CSMD1: variants seen among roughly 807,000 people sequenced by gnomAD.
The protein encoded by CSMD1 is CUB and Sushi multiple domains 1, also known as CUB and sushi domain-containing protein 1.
In CSMD1, 213 loss-of-function variants were observed where a neutral mutation model predicts 417.5. That is an observed-to-expected ratio of 0.51 (90% CI 0.46 to 0.57). The LOEUF is 0.57. CSMD1 is among the 20% of genes least tolerant of loss of function. CSMD1 has a pLI of 0.00. For missense variants in CSMD1, 6,923 were observed against 4,529.7 expected, an observed-to-expected ratio of 1.53 and a Z score of -15.17; for synonymous variants, 2,862 against 1,736.8, an observed-to-expected ratio of 1.65 and a Z score of -16.11.
intron 3 of CSMD1, among the ~76,000 whole-genome samples, chr8:4,302,142 C>G (rs1008894769): frequency 6.6e-6 from 1 of 152,018 alleles, no homozygotes; most frequent in African/African-American, 2.4e-5. Flanking sequence ...AACAAAAAAA[C>G]AGTTTATGGA....
Position 3,608,749 on chromosome 8 carries a change from G to C in CSMD1, c.1097+7961C>G, listed in dbSNP as rs554308769. Among the ~76,000 whole-genome samples the C allele has an allele frequency of 2.3e-5, 3 of 130,990 alleles. No individual in the cohort carries two copies. In the East Asian group the frequency reaches 6.7e-4, roughly 29 times the overall value. 85.9% of individuals were successfully genotyped at this position (130,990 alleles called of 152,430 possible). ...ACTGCACTCCAGCCTGGACAACAGAGTGAGACTCTGTCTCAAAAAAAAAAA... is the reference window on the plus strand; with the variant it reads ...ACTGCACTCCAGCCTGGACAACAGACTGAGACTCTGTCTCAAAAAAAAAAA... On this transcript the variant is annotated intron_variant, in intron 8 of 69. Transcript: ENST00000635120.
intron 3 of CSMD1, among the ~76,000 whole-genome samples, chr8:4,032,788 A>C (rs1021055884): frequency 6.6e-6 from 1 of 152,188 alleles, no homozygotes; most frequent in Non-Finnish European, 1.5e-5. Context: ...TTTTGTAAAA[A>C]AATAATAAAA....
intron 3 of CSMD1, among the ~76,000 whole-genome samples, chr8:4,368,293 T>C (rs1802203566): frequency 6.6e-6 from 1 of 152,218 alleles, no homozygotes; most frequent in African/African-American, 2.4e-5. Flanking sequence ...TCACATTTAT[T>C]GATATGTGTA....
At chr8:4,117,792 G>T (rs1295151796) in intron 3 of CSMD1, among the ~76,000 whole-genome samples, 2 of 152,028 alleles carry the variant, frequency 1.3e-5, no homozygotes, top group Non-Finnish European at 2.9e-5. Context: ...AGAATGTCAG[G>T]CTCAGAACGT....
At chr8:4,870,594 A>C (rs1028086758) in intron 1 of CSMD1, among the ~76,000 whole-genome samples, 4 of 152,098 alleles carry the variant, frequency 2.6e-5, no homozygotes, top group African/African-American at 7.3e-5. Context: ...GCAGGAGGCA[A>C]GCTTTCAGTG....
chr8:3,321,927 C>T (rs956144415), intron 23 of CSMD1, among the ~76,000 whole-genome samples: 9 of 152,104 alleles, frequency 5.9e-5, no homozygotes, highest in African/African-American at 2.2e-4. Flanking sequence ...AGAATGGATT[C>T]AGTATTATTT....
intron 23 of CSMD1, among the ~76,000 whole-genome samples, chr8:3,342,317 G>A (rs990575016): frequency 6.6e-6 from 1 of 152,084 alleles, no homozygotes; most frequent in Admixed American, 6.5e-5. Flanking sequence ...TCTTTTGCAG[G>A]ACCTTTTTTG....
chr8:4,792,277 T>A (rs1333415599), intron 1 of CSMD1, among the ~76,000 whole-genome samples: 1 of 152,196 alleles, frequency 6.6e-6, no homozygotes, highest in Admixed American at 6.5e-5. Flanking sequence ...ACATCCTAAC[T>A]ACACCCCTAT....
intron 17 of CSMD1, among the ~76,000 whole-genome samples, chr8:3,392,048 T>A (rs553895840): frequency 1.4e-5 from 2 of 139,486 alleles, no homozygotes; most frequent in Middle Eastern, 3.7e-3. Context: ...TAGGTGGGAA[T>A]TGAACAATGA....
At position 4,345,634 on chromosome 8, in the gene CSMD1, T is replaced by G. The variant is rs564013843; in HGVS notation, c.415+74319A>C. ...AAACAAAAAGTACCAAAATAATTACTGAAACACGGTTCAAATGACTGGAAG... is the reference window on the plus strand; with the variant it reads ...AAACAAAAAGTACCAAAATAATTACGGAAACACGGTTCAAATGACTGGAAG... On this transcript the variant is annotated intron_variant, in intron 3 of 69. Coordinates refer to ENST00000635120, the MANE Select transcript of CSMD1 (RefSeq NM_033225.6). 3.9e-5 allele frequency among the ~76,000 whole-genome samples: 6 copies of G among 152,192 alleles called. No homozygotes were observed. In the East Asian group the frequency reaches 1.2e-3, roughly 30 times the overall value.
At chr8:3,485,167 C>T (rs1817953957) in intron 11 of CSMD1, among the ~76,000 whole-genome samples, 1 of 152,118 alleles carries the variant, frequency 6.6e-6, no homozygotes. Context: ...TCCAGGTGTC[C>T]ATCTGTGGGT....
At chr8:4,551,508 T>G (rs1207649882) in intron 2 of CSMD1, among the ~76,000 whole-genome samples, 1 of 152,104 alleles carries the variant, frequency 6.6e-6, no homozygotes, top group Non-Finnish European at 1.5e-5. Flanking sequence ...AACTTGAAAT[T>G]GAATGCTACC....
At chr8:3,564,705 G>A (rs1282626920) in intron 10 of CSMD1, among the ~76,000 whole-genome samples, 1 of 151,868 alleles carries the variant, frequency 6.6e-6, no homozygotes, top group Non-Finnish European at 1.5e-5. Flanking sequence ...AGTGGAGAAT[G>A]TACGTGCCCT....
At chr8:3,508,225 T>C (rs538580597) in intron 10 of CSMD1, among the ~76,000 whole-genome samples, 2 of 152,100 alleles carry the variant, frequency 1.3e-5, no homozygotes, top group Non-Finnish European at 2.9e-5. Context: ...GTAGTAGGAA[T>C]TTGAGGCACT....
intron 1 of CSMD1, among the ~76,000 whole-genome samples, chr8:4,873,621 C>T (rs901508772): frequency 3.1e-4 from 47 of 152,124 alleles, no homozygotes; most frequent in African/African-American, 1.1e-3. Context: ...ATTAAGCAAT[C>T]GATCAATGTT....
intron 1 of CSMD1, among the ~76,000 whole-genome samples, chr8:4,664,665 T>A (rs1299445792): frequency 6.6e-6 from 1 of 152,196 alleles, no homozygotes; most frequent in Non-Finnish European, 1.5e-5. Context: ...CATGTGCTTA[T>A]TATTATAACA....
intron 2 of CSMD1, among the ~76,000 whole-genome samples, chr8:4,608,916 G>T (rs958213186): frequency 1.3e-5 from 2 of 151,634 alleles, no homozygotes; most frequent in African/African-American, 4.9e-5. Context: ...TGGATCCAAA[G>T]TTAAGCCCTG....
Position 3,307,836 on chromosome 8 carries a change from G to A in CSMD1, c.3824-15C>T, listed in dbSNP as rs373330255. 1.2e-6 allele frequency: 2 copies of A among 1,606,880 alleles called. No individual in the cohort carries two copies. The highest frequency in any genetic ancestry group is 2.2e-5 in the East Asian group (1 of 44,828). On this transcript the variant is annotated splice_polypyrimidine_tract_variant and intron_variant, in intron 24 of 69. Coordinates refer to ENST00000635120, the MANE Select transcript of CSMD1 (RefSeq NM_033225.6). ...ACCACATTCCGCTGTAGAAGACACA[G>A]AGAGATGGGAACGTTCAGCTTCAGG... is the stretch of plus-strand genomic sequence containing the variant.
intron 3 of CSMD1, among the ~76,000 whole-genome samples, chr8:4,039,706 G>A (rs986062658): frequency 6.6e-6 from 1 of 152,152 alleles, no homozygotes; most frequent in Non-Finnish European, 1.5e-5. Flanking sequence ...TATACTTGAA[G>A]GTGGAAAAGG....
Sources: allele counts gnomAD v4.1 joint callset (sites outside exome capture counted in the v4.1 genomes callset), GRCh38; gene constraint gnomAD v4.1.1; transcripts MANE v1.5; gene names NCBI Gene and HGNC (gene_info 2026-07-23, HGNC 2026-07-21).